EYS: variants seen among roughly 807,000 people sequenced by gnomAD.
The protein encoded by EYS is EGF-like photoreceptor maintenance factor.
EYS carries 250 observed loss-of-function variants against 282.1 expected under a neutral mutation model. That is an observed-to-expected ratio of 0.89 (90% CI 0.80 to 0.98). The LOEUF (loss-of-function observed/expected upper bound fraction) is 0.98. Ranked by LOEUF, EYS falls within the 50% of genes least tolerant of loss-of-function variation. The pLI is 0.00. For missense variants in EYS, 4,016 were observed against 3,709.0 expected (o/e 1.08, Z -2.15); for synonymous variants, 1,355 against 1,282.9 (o/e 1.06, Z -1.20).
At chr6:64,813,628 AT>A in intron 21 of EYS, 51 bp from the exon 22 acceptor site, 1 of 1,067,206 alleles carries the variant, frequency 9.4e-7, no homozygotes, top group South Asian at 2.3e-5. Flanking sequence ...AAGGTTGACC[AT>A]TTTAATATAA....
At chr6:65,172,744 T>G (rs1765134705) in intron 12 of EYS, among the ~76,000 whole-genome samples, 2 of 151,338 alleles carry the variant, frequency 1.3e-5, no homozygotes, top group African/African-American at 2.4e-5. Context: ...GAGAGAACAC[T>G]TTGATAACAT....
chr6:65,256,156 C>T (rs1019893249), intron 12 of EYS, among the ~76,000 whole-genome samples: 2 of 151,642 alleles, frequency 1.3e-5, no homozygotes, highest in Non-Finnish European at 2.9e-5. Flanking sequence ...CACTGAAGTA[C>T]TATTCAGTCA....
chr6:64,585,379 T>G (rs891812786), intron 26 of EYS, among the ~76,000 whole-genome samples: 2 of 152,110 alleles, frequency 1.3e-5, no homozygotes, highest in African/African-American at 4.8e-5. Context: ...TGCTCACTAC[T>G]TGGATGATGG....
intron 29 of EYS, among the ~76,000 whole-genome samples, chr6:64,380,745 G>C (rs1772715892): frequency 6.6e-6 from 1 of 152,040 alleles, no homozygotes; most frequent in African/African-American, 2.4e-5. Context: ...TGGCCGAGCA[G>C]GGTGGCTCAC....
intron 19 of EYS, among the ~76,000 whole-genome samples, chr6:64,868,789 A>C (rs1401441730): frequency 6.6e-6 from 1 of 151,500 alleles, no homozygotes; most frequent in East Asian, 1.9e-4. Flanking sequence ...AAATTATACA[A>C]ACAGGCCATC....
intron 5 of EYS, among the ~76,000 whole-genome samples, chr6:65,481,159 TAA>T (rs1172489042): frequency 6.6e-6 from 1 of 152,194 alleles, no homozygotes; most frequent in African/African-American, 2.4e-5. Context: ...AAGTGATGGA[TAA>T]GTTAATTACT....
chr6:64,735,036 G>C (rs1428435400), intron 22 of EYS, among the ~76,000 whole-genome samples: 3 of 152,122 alleles, frequency 2.0e-5, no homozygotes, highest in Non-Finnish European at 4.4e-5. Flanking sequence ...TAAGACTGAA[G>C]TGTCTAGTCT....
intron 31 of EYS, among the ~76,000 whole-genome samples, chr6:64,107,271 GTA>G (rs1262221890): frequency 2.0e-5 from 2 of 99,952 alleles, no homozygotes; most frequent in African/African-American, 7.6e-5. Flanking sequence ...GTGTGTGTGT[GTA>G]TATATATATA....
chr6:65,164,320 G>A (rs750357127), intron 12 of EYS, among the ~76,000 whole-genome samples: 1 of 151,036 alleles, frequency 6.6e-6, no homozygotes, highest in African/African-American at 2.4e-5. Flanking sequence ...GTGTTGTTCC[G>A]GCCTTCTGTA....
In EYS at chr6:63,726,528, C is replaced by T. The variant is rs1324117461; in HGVS notation, c.8224G>A (p.Ala2742Thr). The change falls in exon 42 of 43, where the codon GCC becomes ACC. Residue 2742 changes from alanine to threonine, a missense_variant. Transcript: ENST00000503581. ...AGCCTGCCAATCTTACCTGATTGGG[C>T]TTTTAAGTGTTGTGCAGCATAAAAT... is the stretch of plus-strand genomic sequence containing the variant. The part of the protein sequence containing the change: ...ILFYAAQHLK[A>T]QSGDFLCISL... The T allele has an allele frequency of 6.5e-7, 1 of 1,549,580 alleles. No individual in the cohort carries two copies. Among genetic ancestry groups the T allele is most frequent in the Non-Finnish European group, 8.7e-7 (1 of 1,146,166 alleles).
intron 26 of EYS, among the ~76,000 whole-genome samples, chr6:64,586,752 T>C (rs1766246049): frequency 6.6e-6 from 1 of 152,080 alleles, no homozygotes; most frequent in Non-Finnish European, 1.5e-5. Flanking sequence ...TTATCTGCAG[T>C]GTACATTTTT....
chr6:65,430,142 C>A (rs932257965), intron 5 of EYS, among the ~76,000 whole-genome samples: 21 of 152,146 alleles, frequency 1.4e-4, no homozygotes, highest in Non-Finnish European at 3.1e-4. Context: ...ATCTTCCCCC[C>A]TCTTCAGGGA....
chr6:64,280,504 A>G (rs1467702346), intron 30 of EYS, among the ~76,000 whole-genome samples: 1 of 152,172 alleles, frequency 6.6e-6, no homozygotes, highest in African/African-American at 2.4e-5. Flanking sequence ...ACTGCAAATG[A>G]AGAAAAATCT....
intron 33 of EYS, among the ~76,000 whole-genome samples, chr6:64,010,620 C>T (rs1190355358): frequency 6.6e-6 from 1 of 151,964 alleles, no homozygotes; most frequent in Non-Finnish European, 1.5e-5. Flanking sequence ...TGATATTGTA[C>T]TGTGCAGGCC....
chr6:64,803,085 G>A (rs796335717), intron 22 of EYS, among the ~76,000 whole-genome samples: 5 of 152,310 alleles, frequency 3.3e-5, no homozygotes, highest in African/African-American at 9.6e-5. Flanking sequence ...CAGAAGCTTG[G>A]AGATGCCATG....
chr6:63,875,615 T>A (rs564505153), intron 35 of EYS, among the ~76,000 whole-genome samples: 1 of 152,294 alleles, frequency 6.6e-6, no homozygotes, highest in Non-Finnish European at 1.5e-5. Flanking sequence ...CTTTTTTGGG[T>A]TGGTAGGCTG....
intron 16 of EYS, among the ~76,000 whole-genome samples, chr6:64,906,258 T>C (rs116583626): frequency 3.6e-4 from 55 of 151,980 alleles, no homozygotes; most frequent in African/African-American, 1.3e-3. Context: ...ATTTTTAACA[T>C]CTATTTTTAA....
intron 12 of EYS, among the ~76,000 whole-genome samples, chr6:65,208,341 T>C (rs1176406197): frequency 6.6e-6 from 1 of 151,818 alleles, no homozygotes; most frequent in Non-Finnish European, 1.5e-5. Flanking sequence ...GGAACACTTA[T>C]AAACAGTTGA....
At chr6:65,469,525 T>C (rs1385869474) in intron 5 of EYS, among the ~76,000 whole-genome samples, 1 of 152,102 alleles carries the variant, frequency 6.6e-6, no homozygotes, top group Non-Finnish European at 1.5e-5. Flanking sequence ...CAAAACTCAA[T>C]GTATGAAAGA....
Sources: allele counts gnomAD v4.1 joint callset (sites outside exome capture counted in the v4.1 genomes callset), GRCh38; gene constraint gnomAD v4.1.1; transcripts MANE v1.5; gene names NCBI Gene and HGNC (gene_info 2026-07-23, HGNC 2026-07-21).